The following DLG5 variants were observed in gnomAD, a reference collection of about 807,000 sequenced individuals.
DLG5 encodes the protein discs large MAGUK scaffold protein 5.
A neutral mutation model predicts 189.8 loss-of-function variants in DLG5; 48 were observed. The observed-to-expected ratio is 0.25, with a 90% CI of 0.20 to 0.32. DLG5 has a LOEUF of 0.32. Among genes scored for constraint, DLG5 ranks in the 10% least tolerant of loss-of-function variants. The pLI is 1.00. For missense variants in DLG5, 2,160 were observed against 2,544.7 expected (o/e 0.85, Z 3.25); for synonymous variants, 1,016 against 1,054.1 (o/e 0.96, Z 0.70).
intron 7 of DLG5, among the ~76,000 whole-genome samples, chr10:77,839,520 AAAG>A (rs1843316351): frequency 6.6e-6 from 1 of 152,106 alleles, no homozygotes; most frequent in Non-Finnish European, 1.5e-5. Flanking sequence ...AAGAAAGAAA[AAAG>A]AAAATCTCAA....
intron 14 of DLG5, among the ~76,000 whole-genome samples, chr10:77,822,534 C>G (rs1166898205): frequency 6.6e-6 from 1 of 152,098 alleles, no homozygotes; most frequent in Non-Finnish European, 1.5e-5. Context: ...GTCCCAGCTA[C>G]TTGGGAGGCT....
At chr10:77,830,662 T>C in intron 10 of DLG5, 79 bp downstream of exon 10, 1 of 1,564,894 alleles carries the variant, frequency 6.4e-7, no homozygotes, top group Non-Finnish European at 8.7e-7. Flanking sequence ...GTGGTGAAAC[T>C]GGGAGATACT....
At chr10:77,878,410 T>A (rs1845171524) in intron 1 of DLG5, among the ~76,000 whole-genome samples, 1 of 152,058 alleles carries the variant, frequency 6.6e-6, no homozygotes, top group Admixed American at 6.5e-5. Flanking sequence ...AAACACCAGC[T>A]CTCGTTACTG....
At chr10:77,849,883 A>G (rs536524574) in intron 5 of DLG5, among the ~76,000 whole-genome samples, 5 of 152,236 alleles carry the variant, frequency 3.3e-5, no homozygotes, top group African/African-American at 1.2e-4. Flanking sequence ...TCAATTAAAC[A>G]ATTTCTTGTA....
At chr10:77,825,020 C>T (rs1051395275) in intron 13 of DLG5, among the ~76,000 whole-genome samples, 10 of 152,092 alleles carry the variant, frequency 6.6e-5, no homozygotes, top group African/African-American at 1.4e-4. Flanking sequence ...TATGTGCAAC[C>T]GGTGAATGAC....
rs539866289 is a variant in DLG5 at position 77,817,687 on chromosome 10, G to A, written c.3784+90C>T. The A allele has an allele frequency of 2.6e-6, 3 of 1,163,006 alleles. No individual in the cohort carries two copies. The South Asian group carries it at 4.3e-5, about 17-fold the overall frequency. The allele number at this position is 1,163,006 out of a possible 1,614,324, so 72.0% of individuals were successfully genotyped here. On this transcript the variant is annotated intron_variant, in intron 18 of 31. Transcript: ENST00000372391. ...AGGAGGTGACAGGAGCTCGTGTGGG[G>A]AGCCCACCCGCAGATCTGGACATTA...
chr10:77,816,111 G>A (rs1056619544), intron 20 of DLG5: 8 of 475,366 alleles, frequency 1.7e-5, no homozygotes, highest in South Asian at 4.6e-5. Context: ...AATGAGTCCC[G>A]GTGCCAGCCA....
chr10:77,800,437 G>GGGGCAGAGAACCC (rs1841140801), intron 27 of DLG5, among the ~76,000 whole-genome samples: 1 of 152,126 alleles, frequency 6.6e-6, no homozygotes, highest in South Asian at 2.1e-4. Flanking sequence ...GTGAGAGTGA[G>GGGGCAGAGAACCC]GGGCAGAGAA....
intron 31 of DLG5, chr10:77,792,774 C>T (rs12265081): frequency 0.016 from 8,423 of 516,122 alleles, 572 homozygotes; most frequent in African/African-American, 0.15. Context: ...GCAGTTAACA[C>T]CCTGGGTTGG....
At chr10:77,929,757 A>C (rs536491617), upstream of DLG5, 1 of 152,160 alleles carries the variant, frequency 6.6e-6, no homozygotes, top group Non-Finnish European at 1.5e-5. Flanking sequence ...GAAGAAACCA[A>C]CCCTCCAACA....
At chr10:77,804,818 TA>T (rs1395491714) in intron 27 of DLG5, among the ~76,000 whole-genome samples, 12 of 152,138 alleles carry the variant, frequency 7.9e-5, no homozygotes, top group African/African-American at 2.4e-5. Flanking sequence ...TCTTGGTCAC[TA>T]CCAAGCAGCC....
chr10:77,809,646 C>A lies in DLG5; in HGVS notation c.4548G>T (p.Leu1516Phe). Residue 1516 changes from leucine (L) to phenylalanine (F), a missense_variant, in exon 24 of 32, where the codon TTG becomes TTT. Leu to Phe is a conservative substitution (Grantham distance 22, BLOSUM62 0). Transcript: ENST00000372391. ...ACACCCCATGCAGGTTCCCACCACA[C>A]AAGTGCACCCCAAGCTCCAGCTGGG... is the stretch of plus-strand genomic sequence containing the variant. ...KKSQLELGVH[L>F]CGGNLHGVFV... 6.2e-7 allele frequency: 1 copy of A among 1,614,244 alleles called. No individual in the cohort carries two copies. Among genetic ancestry groups the A allele is most frequent in the African/African-American group, 1.3e-5 (1 of 75,062 alleles).
At chr10:77,835,421 AC>A (rs1843077751) in intron 8 of DLG5, among the ~76,000 whole-genome samples, 1 of 152,118 alleles carries the variant, frequency 6.6e-6, no homozygotes, top group African/African-American at 2.4e-5. Flanking sequence ...GAAAGGACAC[AC>A]TTCGGATGTG....
intron 1 of DLG5, among the ~76,000 whole-genome samples, chr10:77,920,903 C>A (rs1252416490): frequency 6.6e-6 from 1 of 152,186 alleles, no homozygotes; most frequent in Non-Finnish European, 1.5e-5. Flanking sequence ...CTTTTTCTAC[C>A]TAAGATGATC....
intron 27 of DLG5, among the ~76,000 whole-genome samples, chr10:77,800,274 A>T (rs1841131971): frequency 6.6e-6 from 1 of 152,242 alleles, no homozygotes; most frequent in African/African-American, 2.4e-5. Context: ...AAATCTGGGT[A>T]AAAAATGAGA....
the DLG5 span, among the ~76,000 whole-genome samples, chr10:77,937,152 C>T: frequency 6.6e-6 from 1 of 151,988 alleles, no homozygotes; most frequent in Non-Finnish European, 1.5e-5. Flanking sequence ...GCTTGGCTGT[C>T]TTCTAACTCA....
In DLG5 at chr10:77,796,353, C is replaced by T. The variant is rs1184759723; in HGVS notation, c.5308+98G>A. The T allele has an allele frequency of 9.4e-6, 15 of 1,592,788 alleles. No homozygotes were observed. The East Asian group carries it at 1.1e-4, about 12-fold the overall frequency. On this transcript the variant is annotated intron_variant, in intron 28 of 31. Coordinates refer to ENST00000372391, the MANE Select transcript of DLG5 (RefSeq NM_004747.4). This position sits in a 1 kb window ranked among gnomAD's most constrained non-coding sequence, Gnocchi z 5.2. ...CTGGAACACTGTGAAATCTGCCCCC[C>T]GGTACTGCCACCCACTGTGCACAGC... is the stretch of plus-strand genomic sequence containing the variant.
chr10:77,931,836 G>A, the DLG5 span, among the ~76,000 whole-genome samples: 1 of 152,136 alleles, frequency 6.6e-6, no homozygotes, highest in Non-Finnish European at 1.5e-5. Flanking sequence ...ATGTATCCTG[G>A]GGCTAGGTAC....
intron 1 of DLG5, among the ~76,000 whole-genome samples, chr10:77,882,428 C>A (rs1057362636): frequency 1.3e-5 from 2 of 152,118 alleles, no homozygotes; most frequent in Non-Finnish European, 2.9e-5. Context: ...ATCCATTTTT[C>A]ACCTCCTCAG....
Sources: allele counts gnomAD v4.1 joint callset (sites outside exome capture counted in the v4.1 genomes callset), GRCh38; gene constraint gnomAD v4.1.1; non-coding constraint Gnocchi (gnomAD v3.1); transcripts MANE v1.5; gene names NCBI Gene and HGNC (gene_info 2026-07-23, HGNC 2026-07-21).